Variants in G3BP1 observed in about 807,000 individuals in gnomAD.
G3BP1 encodes ras GTPase-activating protein-binding protein 1.
A neutral mutation model predicts 58.6 loss-of-function variants in G3BP1; 35 were observed. That is an observed-to-expected ratio of 0.60 (90% CI 0.46 to 0.79). The LOEUF is 0.79. G3BP1 is among the 30% of genes least tolerant of loss of function. G3BP1 has a pLI of 0.00. For synonymous variants in G3BP1, 191 were observed against 195.4 expected, an observed-to-expected ratio of 0.98 and a Z score of 0.19; for missense variants, 523 against 580.8, an observed-to-expected ratio of 0.90 and a Z score of 1.02.
At chr5:151,773,420 T>A in intron 1 of G3BP1, among the ~76,000 whole-genome samples, 1 of 152,228 alleles carries the variant, frequency 6.6e-6, no homozygotes. Context: ...AGTCGAGATC[T>A]GTGGATGAAA....
chr5:151,790,182 G>T, intron 2 of G3BP1, 141 bp from the exon 3 acceptor site: 13 of 416,528 alleles, frequency 3.1e-5, no homozygotes, highest in East Asian at 5.2e-5. Context: ...AATGAGCTAT[G>T]ATTGCATCAC....
chr5:151,800,886 CTTGATT>C lies in G3BP1; in HGVS notation c.1194+20_1194+25del. On this transcript the variant is annotated intron_variant, in intron 11 of 11. Coordinates refer to ENST00000356245, the MANE Select transcript of G3BP1 (RefSeq NM_005754.3). Reference sequence around the variant, plus strand: ...AGCAACAGGGTAAGCAGCTTTTTGTCTTGATTTTTTTTTTTTTTTTTTAAAAAGGGT... The same window carrying C: ...AGCAACAGGGTAAGCAGCTTTTTGTCTTTTTTTTTTTTTTTTAAAAAGGGT... The C allele has an allele frequency of 9.7e-7, 1 of 1,027,020 alleles. No homozygotes were observed. Among genetic ancestry groups the C allele is most frequent in the Non-Finnish European group, 1.4e-6 (1 of 712,106 alleles). The allele number at this position is 1,027,020 out of a possible 1,614,324, so 63.6% of individuals were successfully genotyped here.
intron 1 of G3BP1, among the ~76,000 whole-genome samples, chr5:151,779,730 G>T (rs1053853593): frequency 6.6e-6 from 1 of 152,328 alleles, no homozygotes; most frequent in Middle Eastern, 3.4e-3. Context: ...ATTCACTTCA[G>T]TTAACCTGAC....
intron 1 of G3BP1, among the ~76,000 whole-genome samples, chr5:151,776,439 G>C (rs571503533): frequency 3.9e-5 from 6 of 152,272 alleles, no homozygotes; most frequent in African/African-American, 1.4e-4. Context: ...ATTTGTGGAA[G>C]TATATTAAAG....
intron 7 of G3BP1, among the ~76,000 whole-genome samples, chr5:151,797,899 C>T (rs376556841): frequency 1.5e-4 from 23 of 152,238 alleles, no homozygotes; most frequent in African/African-American, 5.3e-4. Context: ...GTTGGCATAC[C>T]TGATTTCAGA....
At chr5:151,781,551 C>A (rs957043997) in intron 1 of G3BP1, among the ~76,000 whole-genome samples, 1 of 152,064 alleles carries the variant, frequency 6.6e-6, no homozygotes, top group Non-Finnish European at 1.5e-5. Context: ...GGGACCCATA[C>A]GAAATATCAC....
In G3BP1 at chr5:151,806,656, C is replaced by A. The variant is rs1447196725; in HGVS notation, c.*2565C>A. On this transcript the variant is annotated 3_prime_UTR_variant, in exon 12 of 12. Transcript: ENST00000356245. The stretch of plus-strand genomic sequence containing the variant: ...GGAAAATCATTATAAGTTAGGGCAA[C>A]ATTTTCTATAGGTGGCAGCAGTAGG... The A allele has an allele frequency of 2.0e-5, 3 of 152,150 alleles. No individual in the cohort carries two copies. Among genetic ancestry groups the A allele is most frequent in the African/African-American group, 7.2e-5 (3 of 41,428 alleles). 9.4% of individuals were successfully genotyped at this position (152,150 alleles called of 1,614,324 possible).
rs1763012830 is a variant in G3BP1 at position 151,811,136 on chromosome 5, G to A, written c.*7045G>A. ...TTTCCCGTCTTTCTTCCTCACCTAT[G>A]TAATTTCAGTAGTCTCTCAGCTTCA... On this transcript the variant is annotated 3_prime_UTR_variant, in exon 12 of 12. Transcript: ENST00000356245. 1 of 152,122 alleles carries A rather than the reference G, an allele frequency of 6.6e-6. No individual in the cohort carries two copies. The highest frequency in any genetic ancestry group is 1.5e-5 in the Non-Finnish European group (1 of 68,026). The allele number at this position is 152,122 out of a possible 1,614,324, so 9.4% of individuals were successfully genotyped here.
intron 8 of G3BP1, 72 bp from the exon 9 acceptor site, chr5:151,799,817 C>G: frequency 1.2e-6 from 1 of 849,556 alleles, no homozygotes. Flanking sequence ...AACTTGTTAG[C>G]TAAGAAACTT....
rs73281665 is a variant in G3BP1 at position 151,797,030 on chromosome 5, A to G, written c.540-197A>G. Among the ~76,000 whole-genome samples the G allele has an allele frequency of 2.9e-3, 448 of 152,316 alleles. 4 individuals are homozygous for G. The highest frequency in any genetic ancestry group is 0.01 in the African/African-American group (432 of 41,564). Reference sequence around the variant, plus strand: ...TTGCTTATCAGAATTTGCCAAACAAATGGATTCCAGTTAAGTTATTGAGTG... The same window carrying G: ...TTGCTTATCAGAATTTGCCAAACAAGTGGATTCCAGTTAAGTTATTGAGTG... On this transcript the variant is annotated intron_variant, in intron 6 of 11. Coordinates refer to ENST00000356245, the MANE Select transcript of G3BP1 (RefSeq NM_005754.3).
rs1241391597 is a variant in G3BP1 at position 151,810,373 on chromosome 5, A to AG, written c.*6283dup. On this transcript the variant is annotated 3_prime_UTR_variant, in exon 12 of 12. Coordinates refer to ENST00000356245, the MANE Select transcript of G3BP1 (RefSeq NM_005754.3). ...AGTACAAGAGCTATATTTTTTCCTA[A>AG]GAAAAAATTTCAACAGGAATGGGGA... 6.6e-6 allele frequency: 1 copy of AG among 152,202 alleles called. No homozygotes were observed. Among genetic ancestry groups the AG allele is most frequent in the Non-Finnish European group, 1.5e-5 (1 of 68,038 alleles). The allele number at this position is 152,202 out of a possible 1,614,324, so 9.4% of individuals were successfully genotyped here.
At chr5:151,794,741 A>G (rs1209531058) in intron 5 of G3BP1, among the ~76,000 whole-genome samples, 1 of 152,266 alleles carries the variant, frequency 6.6e-6, no homozygotes, top group East Asian at 1.9e-4. Context: ...AGATGTGTAG[A>G]CACAGAGACT....
chr5:151,793,980 T>G (rs1053775736), intron 4 of G3BP1, among the ~76,000 whole-genome samples, 179 bp from the exon 5 acceptor site: 2 of 152,172 alleles, frequency 1.3e-5, no homozygotes, highest in South Asian at 4.2e-4. Context: ...CTCACTGCAT[T>G]CCCACCTGGC....
chr5:151,786,748 T>A, intron 2 of G3BP1, 33 bp downstream of exon 2: 1 of 1,206,956 alleles, frequency 8.3e-7, no homozygotes, highest in Non-Finnish European at 1.2e-6. Context: ...CATCTAATGC[T>A]GTCTTTTAGT....
At chr5:151,773,934 A>G (rs1465248179) in intron 1 of G3BP1, among the ~76,000 whole-genome samples, 2 of 152,168 alleles carry the variant, frequency 1.3e-5, no homozygotes, top group African/African-American at 4.8e-5. Flanking sequence ...ATTGAGGGAA[A>G]ATTTCGTTAG....
At chr5:151,802,050 C>T (rs1762862597) in intron 11 of G3BP1, among the ~76,000 whole-genome samples, 1 of 152,180 alleles carries the variant, frequency 6.6e-6, no homozygotes, top group South Asian at 2.1e-4. Context: ...CTCCTGACCT[C>T]AGGTGATCCG....
chr5:151,790,555 A>G lies in G3BP1; in HGVS notation c.177+151A>G, dbSNP rs1581577556. 9.9e-6 allele frequency: 5 copies of G among 505,276 alleles called. No homozygotes were observed. The East Asian group carries it at 1.7e-4, about 17-fold the overall frequency. The allele number at this position is 505,276 out of a possible 1,614,324, so 31.3% of individuals were successfully genotyped here. A position where few individuals can be genotyped will look rare whatever the true frequency, so the allele number is the denominator to read the frequency against. On this transcript the variant is annotated intron_variant, in intron 3 of 11. Transcript: ENST00000356245. ...TGTGTTTTATTACTATTTGATTAATATATTTGTTGAAATACTTATGTGATG... is the reference window on the plus strand; with the variant it reads ...TGTGTTTTATTACTATTTGATTAATGTATTTGTTGAAATACTTATGTGATG...
chr5:151,788,451 T>C (rs375104600), intron 2 of G3BP1, among the ~76,000 whole-genome samples: 1 of 151,810 alleles, frequency 6.6e-6, no homozygotes, highest in Non-Finnish European at 1.5e-5. Flanking sequence ...CAGGCTGGAG[T>C]GCAGTGGTGA....
chr5:151,783,855 C>T (rs958624783), intron 1 of G3BP1, among the ~76,000 whole-genome samples: 12 of 152,120 alleles, frequency 7.9e-5, no homozygotes, highest in Admixed American at 6.5e-4. Flanking sequence ...CTCCGCCTCC[C>T]GGGTTCAAGC....
Sources: gnomAD v4.1 joint callset for allele counts (sites outside exome capture counted in the v4.1 genomes callset) on GRCh38, gnomAD v4.1.1 for gene constraint, MANE v1.5 for transcripts, NCBI Gene and HGNC (gene_info 2026-07-23, HGNC 2026-07-21) for gene names.